The following MICU2 variants were observed in gnomAD, a reference collection of about 807,000 sequenced individuals.
MICU2 encodes mitochondrial calcium uptake 2.
MICU2 carries 64 observed loss-of-function variants against 60.4 expected under a neutral mutation model. The ratio of observed to expected loss-of-function variants is 1.06; its 90% CI spans 0.87 to 1.31. The LOEUF is 1.31. Ranked by LOEUF, MICU2 falls within the 50% of genes most tolerant of loss-of-function variation. The probability of loss-of-function intolerance (pLI) is 0.00; values close to 1 mark genes in which losing one functional copy is unlikely to be tolerated. For missense variants in MICU2, 569 were observed against 531.0 expected (o/e 1.07, Z -0.70); for synonymous variants, 201 against 175.0 (o/e 1.15, Z -1.17).
intron 1 of MICU2, among the ~76,000 whole-genome samples, chr13:21,568,564 T>C: frequency 6.6e-6 from 1 of 152,204 alleles, no homozygotes; most frequent in East Asian, 1.9e-4. Context: ...CAAATATACA[T>C]GTTTTCAACC....
intron 1 of MICU2, among the ~76,000 whole-genome samples, chr13:21,576,921 A>T (rs947608254): frequency 2.6e-5 from 4 of 152,242 alleles, no homozygotes; most frequent in African/African-American, 9.6e-5. Flanking sequence ...TACAAATAGA[A>T]ATTTTATCCA....
chr13:21,499,750 C>T (rs983557673), intron 9 of MICU2, among the ~76,000 whole-genome samples: 2 of 151,506 alleles, frequency 1.3e-5, no homozygotes, highest in Non-Finnish European at 2.9e-5. Context: ...GCACCGACTG[C>T]ATTTTTGTTC....
intron 1 of MICU2, among the ~76,000 whole-genome samples, chr13:21,589,676 G>C (rs554600233): frequency 6.6e-6 from 1 of 151,762 alleles, no homozygotes; most frequent in East Asian, 1.9e-4. Flanking sequence ...TGACTCATTC[G>C]GATTACCTGC....
intron 7 of MICU2, among the ~76,000 whole-genome samples, chr13:21,513,557 G>A (rs1886484799): frequency 6.6e-6 from 1 of 151,874 alleles, no homozygotes; most frequent in Admixed American, 6.6e-5. Flanking sequence ...GACCAACATG[G>A]TGAAACCCTG....
intron 1 of MICU2, among the ~76,000 whole-genome samples, chr13:21,599,950 T>C (rs893933270): frequency 1.2e-4 from 18 of 152,244 alleles, no homozygotes; most frequent in African/African-American, 4.3e-4. Flanking sequence ...GTTACTGTAA[T>C]ACCACTATAG....
At chr13:21,545,910 C>T (rs1887406324) in intron 2 of MICU2, among the ~76,000 whole-genome samples, 2 of 151,996 alleles carry the variant, frequency 1.3e-5, no homozygotes, top group South Asian at 2.1e-4. Flanking sequence ...GTTCTCAACA[C>T]AAAGAAATGA....
At chr13:21,583,367 T>C (rs1192295978) in intron 1 of MICU2, among the ~76,000 whole-genome samples, 3 of 152,254 alleles carry the variant, frequency 2.0e-5, no homozygotes, top group Non-Finnish European at 4.4e-5. Context: ...AGTGTGTCTC[T>C]GTAAAATACA....
rs142533960 is a variant in MICU2, at chr13:21,506,643, C to T, written c.761+3361G>A. 5.8e-3 allele frequency among the ~76,000 whole-genome samples: 879 copies of T among 152,290 alleles called. 5 individuals are homozygous for T. The highest frequency in any genetic ancestry group is 0.017 in the Middle Eastern group (5 of 294). ...ATTGTTTAATAAATTCATTCATTTT[C>T]TTATTGTCACTAAAAATTGTAACAG... On this transcript the variant is annotated intron_variant, in intron 8 of 11. Transcript: ENST00000382374.
chr13:21,517,785 ACACACACACACACACGCGCGCGCGCGCG>A (rs1403148829), intron 6 of MICU2, among the ~76,000 whole-genome samples: 2 of 94,240 alleles, frequency 2.1e-5, no homozygotes. Context: ...ACACACACAC[ACACACACACACACACGCGCGCGCGCGCG>A]CACACGCGCT....
chr13:21,554,897 C>T (rs572133469), intron 2 of MICU2, among the ~76,000 whole-genome samples: 8 of 152,194 alleles, frequency 5.3e-5, no homozygotes, highest in East Asian at 3.9e-4. Context: ...AACACCTCTA[C>T]GCAAATAAAC....
At chr13:21,549,105 A>AT (rs780737440) in intron 2 of MICU2, among the ~76,000 whole-genome samples, 13 of 149,994 alleles carry the variant, frequency 8.7e-5, no homozygotes, top group Non-Finnish European at 1.5e-4. Context: ...TTTTTTTTGC[A>AT]TTTTTAGTAG....
intron 2 of MICU2, among the ~76,000 whole-genome samples, chr13:21,543,890 G>A (rs1887343857): frequency 6.6e-6 from 1 of 152,058 alleles, no homozygotes; most frequent in Admixed American, 6.6e-5. Flanking sequence ...AAAGCTGGAG[G>A]CATCAAACTA....
chr13:21,515,304 G>C (rs1886543527), intron 6 of MICU2, among the ~76,000 whole-genome samples: 1 of 152,042 alleles, frequency 6.6e-6, no homozygotes, highest in African/African-American at 2.4e-5. Flanking sequence ...GGATGGTCTT[G>C]ATCTCCTGAC....
chr13:21,494,870 A>AT (rs557844402), intron 11 of MICU2, among the ~76,000 whole-genome samples: 44 of 151,326 alleles, frequency 2.9e-4, no homozygotes, highest in Admixed American at 9.2e-4. Context: ...TTAAAAAATT[A>AT]TTTTTTTTTG....
intron 9 of MICU2, among the ~76,000 whole-genome samples, chr13:21,498,366 ATTCT>A (rs2138130215): frequency 1.1e-5 from 1 of 93,898 alleles, no homozygotes; most frequent in South Asian, 3.9e-4. Flanking sequence ...GAAATATCCT[ATTCT>A]TTTTTTTTTT....
Position 21,524,462 on chromosome 13 carries a change from G to T in MICU2, c.467-1812C>A, listed in dbSNP as rs541355613. 6.6e-5 allele frequency among the ~76,000 whole-genome samples: 10 copies of T among 152,140 alleles called. No homozygotes were observed. In the South Asian group the frequency reaches 2.1e-3, roughly 32 times the overall value. ...CCAGATAGTTACCACACCTAAAAAA[G>T]TATCAATAATTCCTTAACATCTTCA... On this transcript the variant is annotated intron_variant, in intron 4 of 11. Coordinates refer to ENST00000382374, the MANE Select transcript of MICU2 (RefSeq NM_152726.3).
At chr13:21,577,635 C>T (rs1888254516) in intron 1 of MICU2, among the ~76,000 whole-genome samples, 1 of 151,646 alleles carries the variant, frequency 6.6e-6, no homozygotes, top group Non-Finnish European at 1.5e-5. Flanking sequence ...GAAACCCTGT[C>T]TCTACAAAAA....
intron 4 of MICU2, among the ~76,000 whole-genome samples, chr13:21,528,379 G>C (rs1016552355): frequency 6.6e-6 from 1 of 152,042 alleles, no homozygotes; most frequent in African/African-American, 2.4e-5. Flanking sequence ...TAAACATTTA[G>C]TGTTTTTTTC....
intron 1 of MICU2, among the ~76,000 whole-genome samples, chr13:21,589,954 C>T (rs1888545041): frequency 6.6e-6 from 1 of 152,058 alleles, no homozygotes; most frequent in Admixed American, 6.6e-5. Flanking sequence ...AAGGGCGCAC[C>T]CTTCTATAGA....
Sources: gnomAD v4.1 joint callset for allele counts (sites outside exome capture counted in the v4.1 genomes callset) on GRCh38, gnomAD v4.1.1 for gene constraint, MANE v1.5 for transcripts, NCBI Gene and HGNC (gene_info 2026-07-23, HGNC 2026-07-21) for gene names.